HMCN1: variants seen among roughly 807,000 people sequenced by gnomAD.
HMCN1 encodes hemicentin 1, also known as hemicentin-1.
Under a neutral mutation model 625.9 loss-of-function variants are expected in HMCN1, and 321 were observed. The observed-to-expected ratio is 0.51, with a 90% confidence interval of 0.47 to 0.56. HMCN1 has a LOEUF of 0.56. HMCN1 is among the 20% of genes least tolerant of loss of function. HMCN1 has a pLI of 0.00. For synonymous variants in HMCN1, 2,425 were observed against 2,417.6 expected, an observed-to-expected ratio of 1.00 and a Z score of -0.09; for missense variants, 6,588 against 6,887.3, an observed-to-expected ratio of 0.96 and a Z score of 1.54.
At chr1:186,039,183 A>G (rs1234988633) in intron 38 of HMCN1, among the ~76,000 whole-genome samples, 178 bp downstream of exon 38, 1 of 152,178 alleles carries the variant, frequency 6.6e-6, no homozygotes, top group Admixed American at 6.6e-5. Flanking sequence ...TAAAATGCTC[A>G]ATTTCCACAT....
At position 185,950,989 on chromosome 1, in the gene HMCN1, G is replaced by T. The variant is rs559864833; in HGVS notation, c.1829-11529G>T. Reference sequence around the variant, plus strand: ...GGCTTTAAAAGGCCATGCTGTAGCAGGCGAGTGATAACAGGCTTTAATCTT... The same window carrying T: ...GGCTTTAAAAGGCCATGCTGTAGCATGCGAGTGATAACAGGCTTTAATCTT... On this transcript the variant is annotated intron_variant, in intron 11 of 106. Transcript: ENST00000271588. 3.9e-3 allele frequency among the ~76,000 whole-genome samples: 589 copies of T among 151,040 alleles called. 1 individual carries two copies. The highest frequency in any genetic ancestry group is 0.014 in the African/African-American group (565 of 40,900).
chr1:185,909,571 C>A (rs1666300897), intron 5 of HMCN1, 63 bp downstream of exon 5: 1 of 1,417,878 alleles, frequency 7.1e-7, no homozygotes, highest in Non-Finnish European at 9.9e-7. Flanking sequence ...ATACTTTTCA[C>A]ACACTTGTTT....
Position 185,963,808 on chromosome 1 carries a change from G to A in HMCN1, c.2011G>A (p.Ala671Thr), listed in dbSNP as rs1254756892. The change falls in exon 13 of 107, where the codon GCA becomes ACA. Residue 671 changes from alanine to threonine, a missense_variant. By Grantham distance (58) the Ala-to-Thr change is moderately conservative. Around this residue, in one of 3 missense-constraint regions of HMCN1, gnomAD observed 4,628 missense variants for 4,853.1 expected, o/e 0.95. Transcript: ENST00000271588. The stretch of plus-strand genomic sequence containing the variant: ...AGATGGTACCTTATTTATCAAAAAT[G>A]CAGCTCCCAAAGATGCAGGGATCTA... Reference protein sequence around the residue: ...TSDGTLFIKNAAPKDAGIYGC... With the variant: ...TSDGTLFIKNTAPKDAGIYGC... The A allele has an allele frequency of 6.2e-7, 1 of 1,609,490 alleles. No homozygotes were observed. The highest frequency in any genetic ancestry group is 1.7e-5 in the Admixed American group (1 of 59,942).
At chr1:185,819,023 G>T (rs1660017415) in intron 1 of HMCN1, among the ~76,000 whole-genome samples, 1 of 151,782 alleles carries the variant, frequency 6.6e-6, no homozygotes, top group Non-Finnish European at 1.5e-5. Context: ...CGGATCACAA[G>T]GTCAGGAGTT....
At chr1:185,820,962 T>C (rs1196810109) in intron 1 of HMCN1, among the ~76,000 whole-genome samples, 1 of 152,082 alleles carries the variant, frequency 6.6e-6, no homozygotes, top group Non-Finnish European at 1.5e-5. Context: ...GTTCTAATCA[T>C]CTAATTTTAA....
intron 69 of HMCN1, among the ~76,000 whole-genome samples, chr1:186,104,553 T>G (rs1352647128): frequency 6.6e-6 from 1 of 152,188 alleles, no homozygotes; most frequent in Non-Finnish European, 1.5e-5. Context: ...TATGTCCTGT[T>G]GTGTTCATCT....
rs1659071005 is a variant in HMCN1, at chr1:186,080,044, T to G, written c.8600-1163T>G. On this transcript the variant is annotated intron_variant, in intron 55 of 106. Transcript: ENST00000271588. ...CTAATGCTTCAGCTCTTGATTGGTTTTCTTGATGTTGGGTGGTGATAGTCT... is the reference window on the plus strand; with the variant it reads ...CTAATGCTTCAGCTCTTGATTGGTTGTCTTGATGTTGGGTGGTGATAGTCT... Among the ~76,000 whole-genome samples, 4 of 152,332 alleles carry G rather than the reference T, an allele frequency of 2.6e-5. No homozygotes were observed. In the South Asian group the frequency reaches 8.3e-4, roughly 32 times the overall value.
rs367682956 is a variant in HMCN1 at position 185,773,378 on chromosome 1, A to T, written c.268+38331A>T. ...ATCTCATTTCATTTGCCAATCATTC[A>T]TTTGGGAATGAGCATGGGGCTAATT... On this transcript the variant is annotated intron_variant, in intron 1 of 106. Transcript: ENST00000271588. Among the ~76,000 whole-genome samples the T allele has an allele frequency of 2.0e-5, 3 of 152,216 alleles. 1 individual carries two copies. In the South Asian group the frequency reaches 6.2e-4, roughly 31 times the overall value.
chr1:185,789,442 C>T (rs1377186231), intron 1 of HMCN1, among the ~76,000 whole-genome samples: 3 of 152,144 alleles, frequency 2.0e-5, no homozygotes, highest in African/African-American at 7.2e-5. Flanking sequence ...ACCATATTCT[C>T]ACTGTGATAT....
Position 185,989,627 on chromosome 1 carries a change from A to T in HMCN1, c.3188A>T (p.Lys1063Ile). 6.2e-7 allele frequency: 1 copy of T among 1,614,048 alleles called. No individual in the cohort carries two copies. Among genetic ancestry groups the T allele is most frequent in the Non-Finnish European group, 8.5e-7 (1 of 1,179,982 alleles). The stretch of plus-strand genomic sequence containing the variant: ...AATACAGCCGGCTACGCCAAAAGGA[A>T]AGTGCAGCTAACAGTCTATGGTGAG... Reference protein sequence around the residue: ...ATNTAGYAKRKVQLTVYVRPR... With the variant: ...ATNTAGYAKRIVQLTVYVRPR... The change falls in exon 21 of 107, where the codon AAA becomes ATA. Residue 1063 changes from lysine to isoleucine, a missense_variant. Coordinates refer to ENST00000271588, the MANE Select transcript of HMCN1 (RefSeq NM_031935.3).
intron 1 of HMCN1, among the ~76,000 whole-genome samples, chr1:185,736,362 A>G (rs1445323485): frequency 1.3e-5 from 2 of 152,130 alleles, no homozygotes; most frequent in Non-Finnish European, 2.9e-5. Flanking sequence ...AAAGAATTGA[A>G]TGATTATTTA....
chr1:185,858,936 T>C (rs1662674373), intron 2 of HMCN1, among the ~76,000 whole-genome samples: 1 of 152,010 alleles, frequency 6.6e-6, no homozygotes, highest in Non-Finnish European at 1.5e-5. Context: ...AGCCTAGTCC[T>C]GTTCTGCCAA....
chr1:186,092,411 T>C (rs1269720569), intron 64 of HMCN1, among the ~76,000 whole-genome samples: 2 of 151,880 alleles, frequency 1.3e-5, no homozygotes, highest in Non-Finnish European at 2.9e-5. Context: ...TAACAAGATA[T>C]AATAGAAATG....
At chr1:186,108,675 G>A in intron 71 of HMCN1, 78 bp downstream of exon 71, 1 of 1,544,820 alleles carries the variant, frequency 6.5e-7, no homozygotes, top group Non-Finnish European at 8.8e-7. Context: ...GCCTTTGCTG[G>A]GTACACAAAA....
chr1:186,111,845 A>C (rs559550981), intron 71 of HMCN1, among the ~76,000 whole-genome samples: 1 of 152,338 alleles, frequency 6.6e-6, no homozygotes, highest in African/African-American at 2.4e-5. Context: ...GTAAACTTTT[A>C]AAATAAATGG....
At chr1:186,189,464 T>A in intron 106 of HMCN1, 48 bp from the exon 107 acceptor site, 1 of 1,605,818 alleles carries the variant, frequency 6.2e-7, no homozygotes, top group Non-Finnish European at 8.5e-7. Context: ...TCATGCCTCC[T>A]CCTACTTCCA....
chr1:186,175,706 AG>A (rs1652521412), intron 103 of HMCN1, among the ~76,000 whole-genome samples: 1 of 152,110 alleles, frequency 6.6e-6, no homozygotes, highest in Non-Finnish European at 1.5e-5. Flanking sequence ...GGAAGAATGC[AG>A]AACCATTGCC....
chr1:186,083,940 G>A (rs994884846), intron 57 of HMCN1, among the ~76,000 whole-genome samples: 1 of 152,128 alleles, frequency 6.6e-6, no homozygotes, highest in Non-Finnish European at 1.5e-5. Flanking sequence ...GAATTCTCAG[G>A]AAGAATGAAT....
chr1:185,878,827 T>C (rs1664113460), intron 4 of HMCN1, among the ~76,000 whole-genome samples: 1 of 152,194 alleles, frequency 6.6e-6, no homozygotes, highest in Non-Finnish European at 1.5e-5. Context: ...ACTGCTTTCC[T>C]TTTTACTCTG....
Sources: allele counts gnomAD v4.1 joint callset (sites outside exome capture counted in the v4.1 genomes callset), GRCh38; gene constraint gnomAD v4.1.1; regional missense constraint gnomAD v4.1.1; transcripts MANE v1.5; gene names NCBI Gene and HGNC (gene_info 2026-07-23, HGNC 2026-07-21).